LRP2: variants seen among roughly 807,000 people sequenced by gnomAD.
The protein encoded by LRP2 is low-density lipoprotein receptor-related protein 2.
In LRP2, 172 loss-of-function variants were observed where a neutral mutation model predicts 531.0. The ratio of observed to expected loss-of-function variants is 0.32; its 90% CI spans 0.29 to 0.37. The LOEUF (loss-of-function observed/expected upper bound fraction) is 0.37, where lower values mean the gene tolerates loss of function less well. LRP2 is among the 10% of genes least tolerant of loss of function. The pLI, the probability that LRP2 is intolerant of heterozygous loss-of-function variation, is 1.00. For synonymous variants in LRP2, 1,992 were observed against 2,027.6 expected, an observed-to-expected ratio of 0.98 and a Z score of 0.47; for missense variants, 5,167 against 5,868.3, an observed-to-expected ratio of 0.88 and a Z score of 3.90.
At chr2:169,147,104 A>C in intron 68 of LRP2, 145 bp from the exon 69 acceptor site, 1 of 700,568 alleles carries the variant, frequency 1.4e-6, no homozygotes, top group Non-Finnish European at 2.5e-6. Flanking sequence ...TATTTTACAG[A>C]AGATGGGGAG....
intron 36 of LRP2, 103 bp downstream of exon 36, chr2:169,213,554 G>A (rs913291405): frequency 3.8e-5 from 35 of 929,246 alleles, no homozygotes; most frequent in East Asian, 1.7e-4. Context: ...TTGTATGCAC[G>A]TGTATGTACG....
At chr2:169,165,320 G>A (rs1380288943) in intron 62 of LRP2, among the ~76,000 whole-genome samples, 1 of 152,228 alleles carries the variant, frequency 6.6e-6, no homozygotes, top group Admixed American at 6.5e-5. Context: ...TCAATGGATA[G>A]ATTTTAAAAC....
chr2:169,201,588 T>G (rs1317498588), intron 44 of LRP2, 40 bp downstream of exon 44: 1 of 1,613,742 alleles, frequency 6.2e-7, no homozygotes, highest in African/African-American at 1.3e-5. Context: ...ATCCAAGACT[T>G]CAGACCCAAA....
At chr2:169,339,983 G>A (rs918255237) in intron 1 of LRP2, among the ~76,000 whole-genome samples, 5 of 152,076 alleles carry the variant, frequency 3.3e-5, no homozygotes, top group Non-Finnish European at 7.4e-5. Context: ...GTATGCATCT[G>A]TACTATATAA....
chr2:169,319,447 T>A (rs543195291), intron 2 of LRP2, among the ~76,000 whole-genome samples: 78 of 152,224 alleles, frequency 5.1e-4, no homozygotes, highest in Non-Finnish European at 9.1e-4. Flanking sequence ...AAGCGCCATG[T>A]AATGTTACTT....
chr2:169,330,411 A>AT (rs146622407), intron 1 of LRP2, among the ~76,000 whole-genome samples: 1,964 of 152,340 alleles, frequency 0.013, 42 homozygotes, highest in African/African-American at 0.045. Flanking sequence ...AAACTGAGCC[A>AT]TTTATAACTG....
chr2:169,172,710 T>C (rs1397755527), intron 57 of LRP2, among the ~76,000 whole-genome samples: 1 of 152,170 alleles, frequency 6.6e-6, no homozygotes, highest in African/African-American at 2.4e-5. Flanking sequence ...AATTTGGAAA[T>C]ATCCTTTTTA....
chr2:169,182,283 G>C lies in LRP2; in HGVS notation c.9882C>G (p.Leu3294=), dbSNP rs375646935. The C allele has an allele frequency of 7.4e-6, 12 of 1,614,034 alleles. No homozygotes were observed. The East Asian group carries it at 1.6e-4, about 21-fold the overall frequency. The change falls in exon 51 of 79, where the codon CTC becomes CTG. Residue 3294 remains leucine, a synonymous_variant. Transcript: ENST00000649046. ...LYWLDARLDG[L]FVSDLNGGHR... ...GTCCACCATTGAGGTCAGAGACAAAGAGGCCATCCAGGCGGGCATCCAACC... is the reference window on the plus strand; with the variant it reads ...GTCCACCATTGAGGTCAGAGACAAACAGGCCATCCAGGCGGGCATCCAACC...
At chr2:169,161,335 A>T (rs1336629164) in intron 63 of LRP2, among the ~76,000 whole-genome samples, 1 of 152,242 alleles carries the variant, frequency 6.6e-6, no homozygotes, top group African/African-American at 2.4e-5. Flanking sequence ...ATGAGTCATA[A>T]ATGGACTACA....
Position 169,330,468 on chromosome 2 carries a change from T to A in LRP2, c.80-9584A>T, listed in dbSNP as rs184034582. Among the ~76,000 whole-genome samples the A allele has an allele frequency of 2.5e-3, 375 of 152,210 alleles. 1 individual carries two copies. Among genetic ancestry groups the A allele is most frequent in the African/African-American group, 8.9e-3 (369 of 41,518 alleles). On this transcript the variant is annotated intron_variant, in intron 1 of 78. Coordinates refer to ENST00000649046, the MANE Select transcript of LRP2 (RefSeq NM_004525.3). ...TTTAAACACTAGTCACCTGTCTTTC[T>A]CCCCCAAGGCTCTTACATCCCACTT... is the stretch of plus-strand genomic sequence containing the variant.
chr2:169,178,029 G>A lies in LRP2; in HGVS notation c.10170-3C>T, dbSNP rs1271455574. Reference sequence around the variant, plus strand: ...GGTGGCCCTCCAAATCAGAGTACCTGCAGCAGTAAGCAGAAACAGTTATGT... The same window carrying A: ...GGTGGCCCTCCAAATCAGAGTACCTACAGCAGTAAGCAGAAACAGTTATGT... On this transcript the variant is annotated splice_region_variant and splice_polypyrimidine_tract_variant and intron_variant, in intron 52 of 78. Transcript: ENST00000649046. 7.5e-6 allele frequency: 12 copies of A among 1,602,564 alleles called. No homozygotes were observed. The highest frequency in any genetic ancestry group is 1.1e-5 in the South Asian group (1 of 90,770).
At chr2:169,267,790 C>A (rs1683262421) in intron 16 of LRP2, among the ~76,000 whole-genome samples, 1 of 152,014 alleles carries the variant, frequency 6.6e-6, no homozygotes, top group Admixed American at 6.6e-5. Context: ...ACACAAAAAA[C>A]CCTTCAAAAA....
At chr2:169,134,105 T>C (rs936964948) in intron 76 of LRP2, among the ~76,000 whole-genome samples, 2 of 152,198 alleles carry the variant, frequency 1.3e-5, no homozygotes, top group African/African-American at 4.8e-5. Context: ...TCAGAATTCT[T>C]ACACAAGAGC....
At chr2:169,219,793 CT>C (rs1211198932) in intron 34 of LRP2, among the ~76,000 whole-genome samples, 1 of 150,884 alleles carries the variant, frequency 6.6e-6, no homozygotes, top group African/African-American at 2.4e-5. Context: ...CATGTGCCCC[CT>C]ATAACTAAAA....
intron 4 of LRP2, among the ~76,000 whole-genome samples, chr2:169,305,085 A>G (rs7600757): frequency 0.35 from 52,939 of 152,066 alleles, 9,936 homozygotes; most frequent in East Asian, 0.48. Context: ...TTAAAAATAA[A>G]TAGATAAATA....
intron 1 of LRP2, among the ~76,000 whole-genome samples, chr2:169,338,404 G>GAAAGAAAGAAAGAAAGAAAGAAAGA (rs1553516032): frequency 9.8e-4 from 102 of 104,614 alleles, no homozygotes; most frequent in East Asian, 2.7e-3. Context: ...AAGAAAGAAA[G>GAAAGAAAGAAAGAAAGAAAGAAAGA]AAAGAAAAGA....
At chr2:169,222,232 T>A (rs928044952) in intron 33 of LRP2, among the ~76,000 whole-genome samples, 1 of 152,182 alleles carries the variant, frequency 6.6e-6, no homozygotes, top group African/African-American at 2.4e-5. Flanking sequence ...AGGTCTTTCA[T>A]GGATTTTCTA....
chr2:169,153,070 TC>T, intron 66 of LRP2, 106 bp from the exon 67 acceptor site: 3 of 953,716 alleles, frequency 3.1e-6, no homozygotes, highest in Non-Finnish European at 5.2e-6. Context: ...CATCTCTACC[TC>T]CCTCCTCACT....
At chr2:169,334,622 A>T (rs1186364963) in intron 1 of LRP2, among the ~76,000 whole-genome samples, 1 of 152,182 alleles carries the variant, frequency 6.6e-6, no homozygotes, top group Admixed American at 6.5e-5. Context: ...ATGGCTTTCA[A>T]CTCTGGCAAA....
Sources: allele counts gnomAD v4.1 joint callset (sites outside exome capture counted in the v4.1 genomes callset), GRCh38; gene constraint gnomAD v4.1.1; transcripts MANE v1.5; gene names NCBI Gene and HGNC (gene_info 2026-07-23, HGNC 2026-07-21).